SAE1: variants seen among roughly 807,000 people sequenced by gnomAD.
SAE1 encodes the protein SUMO1 activating enzyme subunit 1.
SAE1 carries 11 observed loss-of-function variants against 40.6 expected under a neutral mutation model. That is an observed-to-expected ratio of 0.27 (90% CI 0.17 to 0.45). The LOEUF (loss-of-function observed/expected upper bound fraction) is 0.45. Among genes scored for constraint, SAE1 ranks in the 20% least tolerant of loss-of-function variants. The probability of loss-of-function intolerance (pLI) is 1.00; values close to 1 mark genes in which losing one functional copy is unlikely to be tolerated. For missense variants in SAE1, 373 were observed against 427.3 expected, an observed-to-expected ratio of 0.87 and a Z score of 1.12; for synonymous variants, 155 against 154.3, an observed-to-expected ratio of 1.00 and a Z score of -0.03.
chr19:47,150,068 C>G lies in SAE1; in HGVS notation c.211-134C>G, dbSNP rs563184687. ...ACTCCAGCCTGGTGACAGAGCAAGACTGTCTCAAAAAAAAAAAAAAAAAAA... is the reference window on the plus strand; with the variant it reads ...ACTCCAGCCTGGTGACAGAGCAAGAGTGTCTCAAAAAAAAAAAAAAAAAAA... On this transcript the variant is annotated intron_variant, in intron 2 of 8. Coordinates refer to ENST00000270225, the MANE Select transcript of SAE1 (RefSeq NM_005500.3). The G allele has an allele frequency of 8.5e-4, 443 of 519,102 alleles. 6 individuals are homozygous for G. The East Asian group carries it at 0.015, about 18-fold the overall frequency. 32.2% of individuals were successfully genotyped at this position (519,102 alleles called of 1,614,324 possible).
intron 5 of SAE1, among the ~76,000 whole-genome samples, chr19:47,165,551 A>G (rs961609416): frequency 6.6e-6 from 1 of 152,160 alleles, no homozygotes; most frequent in Non-Finnish European, 1.5e-5. Context: ...TCAGGGGTTC[A>G]TTCCAGTGGA....
intron 2 of SAE1, among the ~76,000 whole-genome samples, chr19:47,144,226 C>T (rs1022178431): frequency 7.9e-5 from 12 of 152,092 alleles, no homozygotes; most frequent in South Asian, 2.1e-4. Flanking sequence ...CCCAGCTACT[C>T]GGGAGGCTGA....
chr19:47,141,446 A>C (rs774481613), intron 1 of SAE1, among the ~76,000 whole-genome samples: 35 of 152,124 alleles, frequency 2.3e-4, no homozygotes, highest in Non-Finnish European at 3.5e-4. Flanking sequence ...CCGGCTGAAT[A>C]ATGAATTTTA....
rs2058419730 is a variant in SAE1, at chr19:47,169,874, A to G, written c.684A>G (p.Lys228=). 1 of 1,614,084 alleles carries G rather than the reference A, an allele frequency of 6.2e-7. No individual in the cohort carries two copies. Among genetic ancestry groups the G allele is most frequent in the Admixed American group, 1.7e-5 (1 of 59,998 alleles). ...EALEVDWSSE[K]AKAALKRTTS... is the part of the protein sequence containing the mutation. ...TGGAGGTGGACTGGAGCAGTGAGAA[A>G]GCAAAGGCTGCTCTGAAGCGCACGA... The change falls in exon 6 of 9, where the codon AAA becomes AAG. Residue 228 remains lysine (K), a synonymous_variant. Transcript: ENST00000270225.
intron 6 of SAE1, among the ~76,000 whole-genome samples, chr19:47,171,844 C>T (rs1390386732): frequency 6.6e-6 from 1 of 152,074 alleles, no homozygotes; most frequent in Non-Finnish European, 1.5e-5. Flanking sequence ...CCCAGGTGAT[C>T]TGCCCACCTC....
At chr19:47,133,567 T>G (rs529537222) in intron 1 of SAE1, among the ~76,000 whole-genome samples, 1 of 152,276 alleles carries the variant, frequency 6.6e-6, no homozygotes, top group Admixed American at 6.5e-5. Flanking sequence ...TAGGTTAAAG[T>G]GGTCAGAAAT....
rs144796404 is a variant in SAE1 at position 47,158,999 on chromosome 19, G to T, written c.627+3786G>T. ...TAAAAGGCCACTGTCATGCTCCCAT[G>T]TTCACGTTTCTTTATTGTGAGTTAT... is the stretch of plus-strand genomic sequence containing the variant. On this transcript the variant is annotated intron_variant, in intron 5 of 8. Transcript: ENST00000270225. Among the ~76,000 whole-genome samples the T allele has an allele frequency of 7.2e-3, 1,103 of 152,298 alleles. 5 individuals carry two copies. The highest frequency in any genetic ancestry group is 0.012 in the Non-Finnish European group (808 of 68,020).
chr19:47,182,533 T>C (rs1168324090), intron 6 of SAE1, among the ~76,000 whole-genome samples: 1 of 151,252 alleles, frequency 6.6e-6, no homozygotes, highest in East Asian at 2.0e-4. Flanking sequence ...CACTGCCTTA[T>C]CAGTGGTAGA....
intron 1 of SAE1, among the ~76,000 whole-genome samples, chr19:47,137,729 T>TG (rs1491477336): frequency 9.2e-6 from 1 of 109,142 alleles, no homozygotes; most frequent in Non-Finnish European, 2.1e-5. Context: ...GTGTGTGTGT[T>TG]GTTTTTTTTT....
chr19:47,191,562 C>T (rs1056237729), intron 6 of SAE1, among the ~76,000 whole-genome samples: 1 of 152,140 alleles, frequency 6.6e-6, no homozygotes, highest in Non-Finnish European at 1.5e-5. Flanking sequence ...GCAGCAGTCA[C>T]GTGGAAACTG....
intron 1 of SAE1, among the ~76,000 whole-genome samples, chr19:47,134,052 G>A (rs908031962): frequency 6.6e-6 from 1 of 151,830 alleles, no homozygotes; most frequent in Non-Finnish European, 1.5e-5. Context: ...TAGTAGAGAC[G>A]GAGTTTCACC....
intron 1 of SAE1, among the ~76,000 whole-genome samples, chr19:47,137,190 A>T (rs1444958508): frequency 2.6e-5 from 4 of 152,056 alleles, no homozygotes; most frequent in Non-Finnish European, 4.4e-5. Context: ...GGAGTTCGAG[A>T]CTAGCCTGGC....
intron 6 of SAE1, among the ~76,000 whole-genome samples, chr19:47,187,091 T>C (rs1207331157): frequency 6.6e-6 from 1 of 152,202 alleles, no homozygotes; most frequent in Non-Finnish European, 1.5e-5. Context: ...CTTTTAAGTT[T>C]CTGGGTTAAA....
intron 5 of SAE1, among the ~76,000 whole-genome samples, chr19:47,166,959 T>A (rs1010673609): frequency 6.7e-6 from 1 of 150,196 alleles, no homozygotes; most frequent in Admixed American, 6.6e-5. Flanking sequence ...AATTTGAACT[T>A]TTTTTTTTTT....
chr19:47,181,351 A>G (rs2058504669), intron 6 of SAE1, among the ~76,000 whole-genome samples: 1 of 151,842 alleles, frequency 6.6e-6, no homozygotes, highest in Admixed American at 6.6e-5. Context: ...TAAAAAACAA[A>G]TAAAAAGGTC....
At chr19:47,198,154 G>T (rs2058628054) in intron 7 of SAE1, among the ~76,000 whole-genome samples, 1 of 151,742 alleles carries the variant, frequency 6.6e-6, no homozygotes, top group Non-Finnish European at 1.5e-5. Context: ...TTGTTGCCCA[G>T]GCTGGAGTGC....
In SAE1 at chr19:47,130,904, G is replaced by C. The variant is rs1280575958; in HGVS notation, c.-27G>C. 7 of 1,548,542 alleles carry C rather than the reference G, an allele frequency of 4.5e-6. No individual in the cohort carries two copies. In the East Asian group the frequency reaches 7.3e-5, roughly 16 times the overall value. On this transcript the variant is annotated 5_prime_UTR_variant, in exon 1 of 9. Transcript: ENST00000270225. Reference sequence around the variant, plus strand: ...GCGGGCGGTTGGCTTGAGCGGGACCGGAGCTGAGGCAGGAAGAGCCGGCGC... The same window carrying C: ...GCGGGCGGTTGGCTTGAGCGGGACCCGAGCTGAGGCAGGAAGAGCCGGCGC...
intron 8 of SAE1, among the ~76,000 whole-genome samples, chr19:47,208,080 C>T (rs1280554515): frequency 6.6e-6 from 1 of 152,184 alleles, no homozygotes; most frequent in Non-Finnish European, 1.5e-5. Context: ...CATGGAATAG[C>T]CCCCGCTTCT....
chr19:47,204,354 C>G (rs182283776), intron 8 of SAE1, among the ~76,000 whole-genome samples: 3 of 151,590 alleles, frequency 2.0e-5, no homozygotes, highest in Non-Finnish European at 2.9e-5. Flanking sequence ...CCTGCCACCA[C>G]GCCCAGCTAA....
Sources: gnomAD v4.1 joint callset for allele counts (sites outside exome capture counted in the v4.1 genomes callset) on GRCh38, gnomAD v4.1.1 for gene constraint, MANE v1.5 for transcripts, NCBI Gene and HGNC (gene_info 2026-07-23, HGNC 2026-07-21) for gene names.